SPMIP2: variants seen among roughly 807,000 people sequenced by gnomAD.
SPMIP2 encodes the protein sperm microtubule inner protein 2, also known as protein SPMIP2.
the SPMIP2 span, among the ~76,000 whole-genome samples, chr4:159,047,855 C>G: frequency 6.6e-6 from 1 of 152,122 alleles, no homozygotes; most frequent in African/African-American, 2.4e-5. Flanking sequence ...GCCTGAGATT[C>G]TGTATAATCT....
the SPMIP2 span, among the ~76,000 whole-genome samples, chr4:158,993,824 C>T: frequency 1.3e-5 from 2 of 152,182 alleles, no homozygotes; most frequent in Admixed American, 6.5e-5. Context: ...TGATTTAAAA[C>T]TCAGACAACA....
At chr4:159,033,319 G>T in the SPMIP2 span, among the ~76,000 whole-genome samples, 1 of 152,022 alleles carries the variant, frequency 6.6e-6, no homozygotes, top group East Asian at 1.9e-4. Flanking sequence ...GGAATGAATA[G>T]GTGAAGCACA....
At chr4:158,921,896 T>C in the SPMIP2 span, among the ~76,000 whole-genome samples, 25 of 148,198 alleles carry the variant, frequency 1.7e-4, no homozygotes, top group Admixed American at 3.4e-4. Context: ...TTTTTTTTTT[T>C]TTTTTTTTTG....
the SPMIP2 span, among the ~76,000 whole-genome samples, chr4:159,064,969 T>C: frequency 1.3e-5 from 2 of 152,228 alleles, no homozygotes; most frequent in African/African-American, 4.8e-5. Flanking sequence ...TTCCATAGCT[T>C]TGCATTAGTA....
At chr4:158,928,408 G>C in the SPMIP2 span, among the ~76,000 whole-genome samples, 5 of 151,994 alleles carry the variant, frequency 3.3e-5, no homozygotes, top group Non-Finnish European at 7.4e-5. Context: ...GTCTAGCTCA[G>C]GGTTTGTGAA....
At chr4:158,906,075 G>C in the SPMIP2 span, 1 of 152,138 alleles carries the variant, frequency 6.6e-6, no homozygotes, top group Non-Finnish European at 1.5e-5. Context: ...ATTAAGTTTT[G>C]TAAGATCTTT....
chr4:159,028,415 C>T, the SPMIP2 span, among the ~76,000 whole-genome samples: 2 of 152,072 alleles, frequency 1.3e-5, no homozygotes, highest in African/African-American at 2.4e-5. Flanking sequence ...ACTGCAGCCT[C>T]GACCTCCCAG....
At chr4:159,042,278 G>C in the SPMIP2 span, among the ~76,000 whole-genome samples, 2 of 152,164 alleles carry the variant, frequency 1.3e-5, no homozygotes, top group Non-Finnish European at 2.9e-5. Context: ...AGATGCCCAC[G>C]CTTCCCTCTT....
chr4:159,004,285 T>A, the SPMIP2 span, among the ~76,000 whole-genome samples: 1 of 104,310 alleles, frequency 9.6e-6, no homozygotes, highest in Non-Finnish European at 1.9e-5. Context: ...AGCTACTCTG[T>A]GCTCTTTTTT....
At chr4:158,946,318 A>T in the SPMIP2 span, among the ~76,000 whole-genome samples, 2 of 152,202 alleles carry the variant, frequency 1.3e-5, no homozygotes, top group Non-Finnish European at 2.9e-5. Flanking sequence ...GTTTGCTCTC[A>T]GTGCTGCATT....
chr4:159,006,552 T>C, the SPMIP2 span, among the ~76,000 whole-genome samples: 1 of 152,204 alleles, frequency 6.6e-6, no homozygotes, highest in Non-Finnish European at 1.5e-5. Flanking sequence ...GACAGCCAAG[T>C]TTCCAAGGTT....
chr4:158,961,362 C>T, the SPMIP2 span, among the ~76,000 whole-genome samples: 1 of 152,080 alleles, frequency 6.6e-6, no homozygotes, highest in African/African-American at 2.4e-5. Flanking sequence ...TTTGTGTCAT[C>T]TTCTCAGGGA....
the SPMIP2 span, among the ~76,000 whole-genome samples, chr4:159,076,328 T>C: frequency 6.6e-6 from 1 of 152,202 alleles, no homozygotes; most frequent in East Asian, 1.9e-4. Context: ...ACTCTGTTAT[T>C]ATTATACAGC....
chr4:158,979,118 C>G, the SPMIP2 span, among the ~76,000 whole-genome samples: 1 of 151,892 alleles, frequency 6.6e-6, no homozygotes, highest in Admixed American at 6.6e-5. Flanking sequence ...CTTTGCCGAG[C>G]TGAGGTGGGC....
At chr4:159,054,202 T>TG in the SPMIP2 span, among the ~76,000 whole-genome samples, 1 of 152,146 alleles carries the variant, frequency 6.6e-6, no homozygotes. Flanking sequence ...AGACTGTTCT[T>TG]GAACTCCTGT....
chr4:158,956,295 G>T, the SPMIP2 span, among the ~76,000 whole-genome samples: 1 of 152,254 alleles, frequency 6.6e-6, no homozygotes, highest in Non-Finnish European at 1.5e-5. Flanking sequence ...GCTGGGTGCG[G>T]TGGCTCACGC....
chr4:159,000,460 G>A, the SPMIP2 span, among the ~76,000 whole-genome samples: 2,447 of 150,048 alleles, frequency 0.016, 42 homozygotes, highest in Non-Finnish European at 0.021. Context: ...GAATCATACA[G>A]TATGCACTCT....
chr4:159,001,583 G>C, the SPMIP2 span, among the ~76,000 whole-genome samples: 1 of 152,138 alleles, frequency 6.6e-6, no homozygotes, highest in Non-Finnish European at 1.5e-5. Flanking sequence ...ACTTATAAGT[G>C]AGAACATGCA....
chr4:158,991,049 A>G, the SPMIP2 span, among the ~76,000 whole-genome samples: 1 of 152,292 alleles, frequency 6.6e-6, no homozygotes, highest in African/African-American at 2.4e-5. Flanking sequence ...AGTAGCTGGG[A>G]CTACAGGCAC....
Sources: gnomAD v4.1 joint callset for allele counts (sites outside exome capture counted in the v4.1 genomes callset) on GRCh38, gnomAD v4.1.1 for gene constraint, MANE v1.5 for transcripts, NCBI Gene and HGNC (gene_info 2026-07-23, HGNC 2026-07-21) for gene names.